The following SH3TC1 variants were observed in gnomAD, a reference collection of about 807,000 sequenced individuals.
SH3TC1 encodes the protein SH3 domain and tetratricopeptide repeat-containing protein 1.
A neutral mutation model predicts 117.3 loss-of-function variants in SH3TC1; 135 were observed. The observed-to-expected ratio is 1.15, with a 90% CI of 1.00 to 1.33. The LOEUF (loss-of-function observed/expected upper bound fraction) is 1.33. SH3TC1 is among the 40% of genes most tolerant of loss of function. The pLI is 0.00. For synonymous variants in SH3TC1, 898 were observed against 816.9 expected (o/e 1.10, Z -1.69); for missense variants, 2,092 against 1,794.3 (o/e 1.17, Z -3.00).
intron 1 of SH3TC1, among the ~76,000 whole-genome samples, chr4:8,187,253 C>T (rs1473015541): frequency 6.6e-6 from 1 of 152,254 alleles, no homozygotes; most frequent in African/African-American, 2.4e-5. Context: ...TGCACTCCTG[C>T]TCCCATCTTA....
rs1561670135 is a variant in SH3TC1 at position 8,186,638 on chromosome 4, A to G, written c.-57+4428A>G. 6.6e-6 allele frequency among the ~76,000 whole-genome samples: 1 copy of G among 152,184 alleles called. No individual in the cohort carries two copies. Among genetic ancestry groups the G allele is most frequent in the Non-Finnish European group, 1.5e-5 (1 of 68,040 alleles). The stretch of plus-strand genomic sequence containing the variant: ...CTTTAAAATAAAGTTTAGGTTAAAA[A>G]AACACTTTTAAAAAGCCCCTTGAGG... On this transcript the variant is annotated intron_variant, in intron 1 of 16. Transcript: ENST00000508641. This position sits in a 1 kb window ranked among gnomAD's most constrained non-coding sequence, Gnocchi z 5.2.
At chr4:8,239,255 ACAC>A (rs1722095976) in intron 17 of SH3TC1, among the ~76,000 whole-genome samples, 2 of 151,560 alleles carry the variant, frequency 1.3e-5, no homozygotes, top group Non-Finnish European at 2.9e-5. Flanking sequence ...AGGGACACAC[ACAC>A]ACACACAGAG....
At chr4:8,213,765 T>C (rs953860139) in intron 4 of SH3TC1, among the ~76,000 whole-genome samples, 2 of 151,904 alleles carry the variant, frequency 1.3e-5, no homozygotes, top group African/African-American at 4.8e-5. Context: ...CCAGGCGTGA[T>C]GGTGTGCACC....
At chr4:8,197,994 G>A (rs1214898519), upstream of SH3TC1, among the ~76,000 whole-genome samples, 1 of 152,106 alleles carries the variant, frequency 6.6e-6, no homozygotes, top group Non-Finnish European at 1.5e-5. Context: ...CACCCCCAGG[G>A]GATCAATATC....
In SH3TC1 at chr4:8,219,332, C is replaced by T. The variant is rs985347437; in HGVS notation, c.917-3C>T. The T allele has an allele frequency of 1.2e-5, 19 of 1,576,934 alleles. No homozygotes were observed. Among genetic ancestry groups the T allele is most frequent in the East Asian group, 2.3e-5 (1 of 44,000 alleles). On this transcript the variant is annotated splice_region_variant and splice_polypyrimidine_tract_variant and intron_variant, in intron 8 of 17. Coordinates refer to ENST00000245105, the MANE Select transcript of SH3TC1 (RefSeq NM_018986.5). ...GCACTCACCATGTGGCTTTCTTCCG[C>T]AGCTGTGGGCCTGGCCTCGGCATTG...
chr4:8,220,514 C>G lies in SH3TC1; in HGVS notation c.1112+984C>G, dbSNP rs551282141. Among the ~76,000 whole-genome samples, 6 of 152,310 alleles carry G rather than the reference C, an allele frequency of 3.9e-5. No homozygotes were observed. The East Asian group carries it at 7.7e-4, about 20-fold the overall frequency. ...TGGTCACTTCTGTGTTCTCACTGCC[C>G]AGTGCGAGCAGCAGCAGGGGGTCTT... On this transcript the variant is annotated intron_variant, in intron 9 of 17. Coordinates refer to ENST00000245105, the MANE Select transcript of SH3TC1 (RefSeq NM_018986.5).
intron 16 of SH3TC1, 130 bp from the exon 17 acceptor site, chr4:8,237,337 TCTGGGAG>T: frequency 1.5e-6 from 1 of 662,696 alleles, no homozygotes; most frequent in Non-Finnish European, 2.4e-6. Context: ...GGAAAGTGAG[TCTGGGAG>T]CTGGGAAGGG....
At chr4:8,217,492 C>A (rs1719417002) in intron 7 of SH3TC1, among the ~76,000 whole-genome samples, 1 of 152,220 alleles carries the variant, frequency 6.6e-6, no homozygotes, top group South Asian at 2.1e-4. Flanking sequence ...ACATGCGTAT[C>A]CAGAGTGAGA....
rs767743494 is a variant in SH3TC1, at chr4:8,227,888, G to A, written c.2194G>A (p.Val732Met). 6.2e-7 allele frequency: 1 copy of A among 1,612,842 alleles called. No homozygotes were observed. Among genetic ancestry groups the A allele is most frequent in the South Asian group, 1.1e-5 (1 of 91,090 alleles). ...CCACCTGGTGCTGAGCTGTGTCAAG[G>A]TGGCCTCATTGCGGACACGGGGCTC... The part of the protein sequence containing the change: ...LPHLVLSCVK[V>M]ASLRTRGSLA... Residue 732 changes from valine (V) to methionine (M), a missense_variant, in exon 12 of 18, where the codon GTG becomes ATG. Transcript: ENST00000245105.
rs1262759402 is a variant in SH3TC1 at position 8,227,134 on chromosome 4, C to T, written c.1440C>T (p.Pro480=). 2.3e-5 allele frequency: 37 copies of T among 1,611,946 alleles called. No homozygotes were observed. The highest frequency in any genetic ancestry group is 2.2e-4 in the East Asian group (10 of 44,868). The change falls in exon 12 of 18, where the codon CCC becomes CCT. Residue 480 remains proline, a synonymous_variant. Transcript: ENST00000245105. ...AASSDVSLQD[P]EEPSFCLEAE... ...CCAGCGACGTGAGCTTGCAGGACCC[C>T]GAGGAGCCCTCCTTCTGCTTGGAAG...
intron 1 of SH3TC1, chr4:8,182,354 G>T (rs1027947418): frequency 6.6e-6 from 1 of 152,264 alleles, no homozygotes; most frequent in Non-Finnish European, 1.5e-5. Flanking sequence ...CCCAAAACTC[G>T]AAACTCACCT....
rs1398406991 is a variant in SH3TC1 at position 8,227,943 on chromosome 4, TG to T, written c.2251del (p.Val751CysfsTer26). On this transcript the variant is annotated frameshift_variant, in exon 12 of 18. Transcript: ENST00000245105. LOFTEE classifies it high-confidence loss of function. ...SLAGSLRSVN[L>X]VLQNAPQPHS... ...GCCGGCTCGCTGAGGAGTGTGAACC[TG>T]GTGCTCCAGAACGCCCCCCAGCCCC... is the stretch of plus-strand genomic sequence containing the variant. 3 of 1,612,482 alleles carry T rather than the reference TG, an allele frequency of 1.9e-6. No homozygotes were observed. The African/African-American group carries it at 4.0e-5, about 22-fold the overall frequency.
In SH3TC1 at chr4:8,186,086, C is replaced by CTG. The variant is rs1717212449; in HGVS notation, c.-57+3879_-57+3880dup. On this transcript the variant is annotated intron_variant, in intron 1 of 16. Coordinates refer to the SH3TC1 transcript ENST00000508641. This position sits in a 1 kb window ranked among gnomAD's most constrained non-coding sequence, Gnocchi z 5.2. ...TCCGCGCGGGCCCCTCGCTGTTTTA[C>CTG]TGTGGAGTTGTCGATTTTTTCCTCT... is the stretch of plus-strand genomic sequence containing the variant. Among the ~76,000 whole-genome samples, 2 of 152,226 alleles carry CTG rather than the reference C, an allele frequency of 1.3e-5. No homozygotes were observed. The highest frequency in any genetic ancestry group is 2.4e-5 in the African/African-American group (1 of 41,452).
chr4:8,228,572 G>A lies in SH3TC1; in HGVS notation c.2878G>A (p.Gly960Ser), dbSNP rs1259771101. Residue 960 changes from glycine to serine, a missense_variant, in exon 12 of 18, where the codon GGC becomes AGC. Coordinates refer to ENST00000245105, the MANE Select transcript of SH3TC1 (RefSeq NM_018986.5). Reference protein sequence around the residue: ...LQLGHLCTRQGPAQQGKGYYE... With the variant: ...LQLGHLCTRQSPAQQGKGYYE... ...GCTGGGCCATCTCTGCACCCGCCAG[G>A]GCCCGGCCCAGCAGGGCAAGGGCTA... The A allele has an allele frequency of 1.3e-6, 2 of 1,597,854 alleles. No individual in the cohort carries two copies. Among genetic ancestry groups the A allele is most frequent in the Non-Finnish European group, 1.7e-6 (2 of 1,173,248 alleles).
intron 16 of SH3TC1, 105 bp from the exon 17 acceptor site, chr4:8,237,369 C>A: frequency 1.0e-6 from 1 of 989,482 alleles, no homozygotes; most frequent in Non-Finnish European, 1.4e-6. Context: ...GCCAGAACTG[C>A]CCAGGTGACC....
intron 17 of SH3TC1, among the ~76,000 whole-genome samples, chr4:8,240,283 C>T (rs1364525395): frequency 6.6e-6 from 1 of 152,208 alleles, no homozygotes; most frequent in East Asian, 1.9e-4. Context: ...CTGGCCCGGC[C>T]CATGGAGGGC....
In SH3TC1 at chr4:8,241,039, C is replaced by A; in HGVS notation, c.*84C>A. ...GTGTCGCCGGTGGCTCATTTTCTGG[C>A]AAATGGAGGCACGAACGCAGGGGCC... is the stretch of plus-strand genomic sequence containing the variant. On this transcript the variant is annotated 3_prime_UTR_variant, in exon 18 of 18. Transcript: ENST00000245105. 1 of 1,547,462 alleles carries A rather than the reference C, an allele frequency of 6.5e-7. No individual in the cohort carries two copies.
At chr4:8,199,731 G>C (rs1717702096) in intron 1 of SH3TC1, among the ~76,000 whole-genome samples, 1 of 152,204 alleles carries the variant, frequency 6.6e-6, no homozygotes, top group African/African-American at 2.4e-5. Flanking sequence ...TCTGGGAGCA[G>C]AGCCAGCCTG....
chr4:8,201,511 G>A (rs1450208758), intron 1 of SH3TC1: 1 of 152,462 alleles, frequency 6.6e-6, no homozygotes, highest in African/African-American at 2.4e-5. Context: ...GCAGGAAGGA[G>A]AGAGTCCTGC....
Sources: allele counts gnomAD v4.1 joint callset (sites outside exome capture counted in the v4.1 genomes callset), GRCh38; gene constraint gnomAD v4.1.1; non-coding constraint Gnocchi (gnomAD v3.1); transcripts MANE v1.5; gene names NCBI Gene and HGNC (gene_info 2026-07-23, HGNC 2026-07-21).